The following CCSER1 variants were observed in gnomAD, a reference collection of about 807,000 sequenced individuals.
CCSER1 encodes serine-rich coiled-coil domain-containing protein 1.
CCSER1 carries 41 observed loss-of-function variants against 82.0 expected under a neutral mutation model. The ratio of observed to expected loss-of-function variants is 0.50; its 90% confidence interval spans 0.39 to 0.65. The LOEUF is 0.65. Among genes scored for constraint, CCSER1 ranks in the 30% least tolerant of loss-of-function variants. CCSER1 has a pLI of 0.00. For synonymous variants in CCSER1, 414 were observed against 383.9 expected, an observed-to-expected ratio of 1.08 and a Z score of -0.92; for missense variants, 1,119 against 1,064.2, an observed-to-expected ratio of 1.05 and a Z score of -0.72.
chr4:91,237,105 G>A (rs1004266944), intron 10 of CCSER1, among the ~76,000 whole-genome samples: 2 of 152,006 alleles, frequency 1.3e-5, no homozygotes, highest in Admixed American at 6.6e-5. Context: ...TAGGTTATAT[G>A]CCCATTATAT....
chr4:91,555,477 C>T (rs1390496072), intron 10 of CCSER1, among the ~76,000 whole-genome samples: 1 of 150,950 alleles, frequency 6.6e-6, no homozygotes, highest in African/African-American at 2.4e-5. Flanking sequence ...AATCAATCAA[C>T]TAGCAGTACT....
chr4:91,551,179 T>A (rs1045702284), intron 10 of CCSER1, among the ~76,000 whole-genome samples: 3 of 152,094 alleles, frequency 2.0e-5, no homozygotes, highest in Non-Finnish European at 4.4e-5. Flanking sequence ...GAGGTAAAAA[T>A]AATATACTCT....
intron 1 of CCSER1, among the ~76,000 whole-genome samples, chr4:90,292,276 G>T (rs1382848098): frequency 1.3e-5 from 2 of 151,400 alleles, no homozygotes; most frequent in African/African-American, 4.9e-5. Context: ...TGTTAACTTT[G>T]AACTAGAAAA....
chr4:91,552,375 G>T lies in CCSER1; in HGVS notation c.2218-46197G>T, dbSNP rs756398274. ...TTCTGAGGCCTGAGGATACAGAAAA[G>T]AATGAGACACTGTCTTGAAGGAACT... On this transcript the variant is annotated intron_variant, in intron 10 of 10. Coordinates refer to ENST00000509176, the MANE Select transcript of CCSER1 (RefSeq NM_001145065.2). Among the ~76,000 whole-genome samples, 21 of 151,700 alleles carry T rather than the reference G, an allele frequency of 1.4e-4. 1 individual carries two copies. The highest frequency in any genetic ancestry group is 2.2e-4 in the Non-Finnish European group (15 of 67,916).
chr4:90,751,188 G>C (rs779245521), intron 7 of CCSER1, among the ~76,000 whole-genome samples: 4 of 151,974 alleles, frequency 2.6e-5, no homozygotes, highest in Non-Finnish European at 5.9e-5. Flanking sequence ...TAAGCCCCAT[G>C]GTTTAATAAC....
At chr4:90,815,908 C>T in intron 8 of CCSER1, 63 bp downstream of exon 8, 2 of 1,062,038 alleles carry the variant, frequency 1.9e-6, no homozygotes, top group Admixed American at 4.3e-5. Flanking sequence ...TGTTCCACGC[C>T]CTTATTTATT....
chr4:90,929,692 A>T (rs1275666243), intron 9 of CCSER1, among the ~76,000 whole-genome samples: 1 of 152,098 alleles, frequency 6.6e-6, no homozygotes, highest in African/African-American at 2.4e-5. Context: ...AAGTTCTTAT[A>T]ATTATAAAAA....
At chr4:90,819,443 A>AT (rs1471248833) in intron 8 of CCSER1, among the ~76,000 whole-genome samples, 2 of 152,024 alleles carry the variant, frequency 1.3e-5, no homozygotes, top group African/African-American at 2.4e-5. Context: ...TCTACTATAT[A>AT]TTTTTTTCCA....
chr4:91,190,819 GTTAAT>G (rs1479824720), intron 10 of CCSER1, among the ~76,000 whole-genome samples: 1 of 152,072 alleles, frequency 6.6e-6, no homozygotes. Flanking sequence ...CTAAATGTCT[GTTAAT>G]TTACTTATTA....
At chr4:91,037,243 C>CACACACACACACAT (rs1741517363) in intron 9 of CCSER1, among the ~76,000 whole-genome samples, 1 of 133,294 alleles carries the variant, frequency 7.5e-6, no homozygotes, top group Non-Finnish European at 1.7e-5. Flanking sequence ...CACACACACA[C>CACACACACACACAT]ACACACACAC....
At chr4:90,534,639 C>A (rs895427965) in intron 5 of CCSER1, among the ~76,000 whole-genome samples, 6 of 152,082 alleles carry the variant, frequency 3.9e-5, no homozygotes, top group Non-Finnish European at 7.4e-5. Flanking sequence ...TAGGTGAGAT[C>A]ATTGCTATTG....
intron 5 of CCSER1, among the ~76,000 whole-genome samples, chr4:90,525,121 A>T (rs986739491): frequency 4.0e-5 from 6 of 151,510 alleles, no homozygotes; most frequent in African/African-American, 1.5e-4. Flanking sequence ...ATTTTTTTTA[A>T]AAAAAAAGCA....
chr4:91,064,664 GAT>G (rs1191697653), intron 9 of CCSER1, among the ~76,000 whole-genome samples: 4 of 152,188 alleles, frequency 2.6e-5, no homozygotes, highest in Non-Finnish European at 5.9e-5. Flanking sequence ...AAATCAGGCT[GAT>G]ACAGCTAATT....
chr4:90,971,476 G>A (rs1453819147), intron 9 of CCSER1, among the ~76,000 whole-genome samples: 1 of 151,904 alleles, frequency 6.6e-6, no homozygotes, highest in Non-Finnish European at 1.5e-5. Flanking sequence ...AGATTTGGGT[G>A]GGGAAAGAAA....
chr4:91,461,811 A>G (rs150806120), intron 10 of CCSER1, among the ~76,000 whole-genome samples: 1 of 152,332 alleles, frequency 6.6e-6, no homozygotes, highest in African/African-American at 2.4e-5. Flanking sequence ...CAAATGATTA[A>G]GAACATATTC....
chr4:90,565,507 C>G (rs967389628), intron 5 of CCSER1, among the ~76,000 whole-genome samples: 1 of 152,028 alleles, frequency 6.6e-6, no homozygotes, highest in African/African-American at 2.4e-5. Flanking sequence ...TTTTTATTTC[C>G]TTCTCTTGCT....
intron 10 of CCSER1, among the ~76,000 whole-genome samples, chr4:91,519,602 A>G (rs1378383484): frequency 6.6e-6 from 1 of 152,196 alleles, no homozygotes. Context: ...GTCAGTCTGA[A>G]GGCCTTGGTG....
chr4:90,371,409 T>A (rs529557745), intron 3 of CCSER1, among the ~76,000 whole-genome samples: 291 of 152,246 alleles, frequency 1.9e-3, no homozygotes, highest in Non-Finnish European at 3.7e-3. Flanking sequence ...TTGCTATGCC[T>A]TAAGATATGA....
chr4:91,022,314 C>A (rs1398502079), intron 9 of CCSER1, among the ~76,000 whole-genome samples: 3 of 151,948 alleles, frequency 2.0e-5, no homozygotes, highest in Non-Finnish European at 4.4e-5. Flanking sequence ...CATCCATGTC[C>A]CTACAAAAGA....
Sources: gnomAD v4.1 joint callset for allele counts (sites outside exome capture counted in the v4.1 genomes callset) on GRCh38, gnomAD v4.1.1 for gene constraint, MANE v1.5 for transcripts, NCBI Gene and HGNC (gene_info 2026-07-23, HGNC 2026-07-21) for gene names.